Variants in RAB11FIP3 observed in about 807,000 individuals in gnomAD.
RAB11FIP3 encodes the protein RAB11 family interacting protein 3.
Under a neutral mutation model 77.8 loss-of-function variants are expected in RAB11FIP3, and 17 were observed. The ratio of observed to expected loss-of-function variants is 0.22; its 90% CI spans 0.15 to 0.33. The LOEUF is 0.33. Among genes scored for constraint, RAB11FIP3 ranks in the 10% least tolerant of loss-of-function variants. The probability of loss-of-function intolerance (pLI) is 1.00; values close to 1 mark genes in which losing one functional copy is unlikely to be tolerated. For missense variants in RAB11FIP3, 1,005 were observed against 1,011.2 expected, an observed-to-expected ratio of 0.99 and a Z score of 0.08; for synonymous variants, 437 against 448.2, an observed-to-expected ratio of 0.98 and a Z score of 0.31.
At chr16:486,184 G>A (rs1448372645) in intron 4 of RAB11FIP3, among the ~76,000 whole-genome samples, 15 of 152,170 alleles carry the variant, frequency 9.9e-5, no homozygotes, top group African/African-American at 3.4e-4. Flanking sequence ...GATTACAGGC[G>A]AGTATTTTCT....
At position 426,164 on chromosome 16, in the gene RAB11FIP3, C is replaced by T; in HGVS notation, c.158C>T (p.Pro53Leu). 9.8e-7 allele frequency: 1 copy of T among 1,015,464 alleles called. No homozygotes were observed. Among genetic ancestry groups the T allele is most frequent in the Non-Finnish European group, 1.2e-6 (1 of 851,358 alleles). 62.9% of individuals were successfully genotyped at this position (1,015,464 alleles called of 1,614,324 possible). Residue 53 changes from proline to leucine, a missense_variant, in exon 1 of 14, where the codon CCG becomes CTG. Transcript: ENST00000262305. This position sits in a 1 kb window ranked among gnomAD's most constrained non-coding sequence, Gnocchi z 5.0. The stretch of plus-strand genomic sequence containing the variant: ...GTCGGCGGCCCCGACCCGCAGTCCC[C>T]GGGCCTGGATGAGCCTGCGCCCGGG... ...APVGGPDPQS[P>L]GLDEPAPGAA...
intron 9 of RAB11FIP3, among the ~76,000 whole-genome samples, chr16:512,656 G>A (rs1053590559): frequency 4.1e-5 from 6 of 147,774 alleles, no homozygotes; most frequent in African/African-American, 1.5e-4. Context: ...CAATTCTGTT[G>A]CCTCAGCCTC....
At chr16:452,407 A>C (rs1298064321) in intron 1 of RAB11FIP3, 1 of 152,048 alleles carries the variant, frequency 6.6e-6, no homozygotes, top group Non-Finnish European at 1.5e-5. Flanking sequence ...TCCTACTGAT[A>C]GGTGGACACA....
At chr16:453,293 C>T (rs1232512756) in intron 1 of RAB11FIP3, 2 of 152,124 alleles carry the variant, frequency 1.3e-5, no homozygotes, top group Non-Finnish European at 2.9e-5. Flanking sequence ...CCAGGATGGT[C>T]TCAATCTCCT....
chr16:491,097 C>T lies in RAB11FIP3; in HGVS notation c.1265+2097C>T, dbSNP rs556951894. 1.1e-5 allele frequency: 14 copies of T among 1,279,086 alleles called. No homozygotes were observed. In the African/African-American group the frequency reaches 2.0e-4, roughly 18 times the overall value. The allele number at this position is 1,279,086 out of a possible 1,614,324, so 79.2% of individuals were successfully genotyped here. ...GGAGTCACAGATGACCACACGGGTC[C>T]TCATCCTCTCCTGAACGGATGCTTC... On this transcript the variant is annotated intron_variant, in intron 5 of 13. Transcript: ENST00000262305.
chr16:491,099 C>T, intron 5 of RAB11FIP3: 1 of 1,280,058 alleles, frequency 7.8e-7, no homozygotes. Flanking sequence ...CACGGGTCCT[C>T]ATCCTCTCCT....
At chr16:445,804 C>T (rs1249101764) in intron 1 of RAB11FIP3, among the ~76,000 whole-genome samples, 1 of 152,118 alleles carries the variant, frequency 6.6e-6, no homozygotes, top group Non-Finnish European at 1.5e-5. Context: ...CCCACTTGGC[C>T]CAGGTGCAGG....
At chr16:511,444 C>T (rs1167465146) in intron 9 of RAB11FIP3, among the ~76,000 whole-genome samples, 7 of 125,356 alleles carry the variant, frequency 5.6e-5, no homozygotes, top group Admixed American at 2.5e-4. Context: ...AGAAGTTCCC[C>T]GACAGTCCGC....
chr16:435,088 C>A (rs1433475224), intron 1 of RAB11FIP3, among the ~76,000 whole-genome samples: 1 of 151,766 alleles, frequency 6.6e-6, no homozygotes, highest in Non-Finnish European at 1.5e-5. Flanking sequence ...GCCTATAGTC[C>A]CAGCTACTCG....
chr16:444,859 A>G (rs2055284446), intron 1 of RAB11FIP3, among the ~76,000 whole-genome samples: 2 of 152,072 alleles, frequency 1.3e-5, no homozygotes, highest in Admixed American at 1.3e-4. Flanking sequence ...TCACGCCTGT[A>G]ATCCCAGCAC....
At chr16:485,757 C>T (rs896987641) in intron 4 of RAB11FIP3, among the ~76,000 whole-genome samples, 15 of 152,152 alleles carry the variant, frequency 9.9e-5, no homozygotes, top group Admixed American at 7.9e-4. Flanking sequence ...ATCCATTTTT[C>T]TTTTATGTTT....
At chr16:510,865 C>T (rs1276769511) in intron 9 of RAB11FIP3, 65 bp downstream of exon 9, 66 of 1,543,874 alleles carry the variant, frequency 4.3e-5, no homozygotes, top group East Asian at 1.6e-4. Flanking sequence ...CGGTCCCCAA[C>T]AGCCCGCCAG....
intron 3 of RAB11FIP3, among the ~76,000 whole-genome samples, chr16:473,521 C>T (rs1293112280): frequency 3.3e-5 from 5 of 152,160 alleles, no homozygotes; most frequent in African/African-American, 4.8e-5. Flanking sequence ...CCACAACCTT[C>T]GCCTCCTGCG....
intron 6 of RAB11FIP3, among the ~76,000 whole-genome samples, chr16:500,781 G>A (rs1483454530): frequency 1.3e-5 from 2 of 151,688 alleles, no homozygotes; most frequent in African/African-American, 4.9e-5. Context: ...TCACGTTGGT[G>A]GCCACGTGTG....
chr16:519,925 C>T (rs750855254), intron 11 of RAB11FIP3, 34 bp downstream of exon 11: 16 of 1,546,420 alleles, frequency 1.0e-5, no homozygotes, highest in East Asian at 2.4e-5. Flanking sequence ...CCCAGTCCTG[C>T]GCCCAGCCTG....
In RAB11FIP3 at chr16:477,448, G is replaced by C. The variant is rs142298908; in HGVS notation, c.904-5077G>C. On this transcript the variant is annotated intron_variant, in intron 3 of 13. Coordinates refer to ENST00000262305, the MANE Select transcript of RAB11FIP3 (RefSeq NM_014700.4). The stretch of plus-strand genomic sequence containing the variant: ...GGTAGCTGGCAACTGCCCTCAAACC[G>C]TCTCGGACCTGTGCGCTGGGCTTCG... Among the ~76,000 whole-genome samples, 787 of 152,292 alleles carry C rather than the reference G, an allele frequency of 5.2e-3. 7 individuals carry two copies. Among genetic ancestry groups the C allele is most frequent in the African/African-American group, 0.018 (748 of 41,568 alleles).
chr16:492,536 G>GGCCGCCCAGGGCCCT, intron 5 of RAB11FIP3, among the ~76,000 whole-genome samples: 1 of 145,840 alleles, frequency 6.9e-6, no homozygotes, highest in Admixed American at 6.9e-5. Flanking sequence ...ACCCGAGGCC[G>GGCCGCCCAGGGCCCT]TCCAGAATCT....
intron 1 of RAB11FIP3, among the ~76,000 whole-genome samples, chr16:443,717 T>C (rs545951900): frequency 7.2e-4 from 109 of 152,106 alleles, no homozygotes; most frequent in Admixed American, 1.2e-3. Context: ...AGGCGCCCGC[T>C]ACCACGCCCG....
intron 4 of RAB11FIP3, among the ~76,000 whole-genome samples, chr16:486,653 C>T (rs74438973): frequency 0.011 from 1,747 of 152,310 alleles, 37 homozygotes; most frequent in African/African-American, 0.04. Flanking sequence ...CAGTCTCTGC[C>T]GTGTGGCCTG....
Sources: gnomAD v4.1 joint callset for allele counts (sites outside exome capture counted in the v4.1 genomes callset) on GRCh38, gnomAD v4.1.1 for gene constraint, Gnocchi (gnomAD v3.1) non-coding constraint, MANE v1.5 for transcripts, NCBI Gene and HGNC (gene_info 2026-07-23, HGNC 2026-07-21) for gene names.